Variants in IL31RA observed in about 807,000 individuals in gnomAD.
The protein encoded by IL31RA is interleukin-31 receptor subunit alpha.
Under a neutral mutation model 83.7 loss-of-function variants are expected in IL31RA, and 66 were observed. The ratio of observed to expected loss-of-function variants is 0.79; its 90% CI spans 0.65 to 0.97. The LOEUF is 0.97. IL31RA is among the 50% of genes least tolerant of loss of function. IL31RA has a pLI of 0.00. For synonymous variants in IL31RA, 325 were observed against 329.0 expected, an observed-to-expected ratio of 0.99 and a Z score of 0.13; for missense variants, 798 against 919.4, an observed-to-expected ratio of 0.87 and a Z score of 1.71.
At chr5:55,915,259 G>A (rs1163931101) in intron 14 of IL31RA, among the ~76,000 whole-genome samples, 1 of 152,156 alleles carries the variant, frequency 6.6e-6, no homozygotes, top group East Asian at 1.9e-4. Flanking sequence ...AGAGAGAGGA[G>A]CCTTGGCTAT....
At chr5:55,876,156 C>A (rs1472520055) in intron 4 of IL31RA, among the ~76,000 whole-genome samples, 5 of 152,032 alleles carry the variant, frequency 3.3e-5, no homozygotes, top group African/African-American at 9.7e-5. Flanking sequence ...GCCTGTAATC[C>A]CAGCACTTTG....
chr5:55,913,078 GT>G (rs869249319), intron 12 of IL31RA, among the ~76,000 whole-genome samples: 2 of 120,216 alleles, frequency 1.7e-5, no homozygotes, highest in African/African-American at 6.6e-5. Context: ...ACAAAATTCT[GT>G]TTTTTGTTTT....
At chr5:55,840,171 A>C in the IL31RA span, 1 of 263,986 alleles carries the variant, frequency 3.8e-6, no homozygotes, top group African/African-American at 2.2e-5. Flanking sequence ...TGTGTGGTGG[A>C]AATACTACAT....
At position 55,921,263 on chromosome 5, in the gene IL31RA, C is replaced by T. The variant is rs570209124; in HGVS notation, c.*4143C>T. Among the ~76,000 whole-genome samples, 1 of 152,320 alleles carries T rather than the reference C, an allele frequency of 6.6e-6. No homozygotes were observed. Among genetic ancestry groups the T allele is most frequent in the Non-Finnish European group, 1.5e-5 (1 of 68,022 alleles). ...ATTAACTCCTAACATGATCTGTGTGCACCTGTACACATTTTTCAGCTAATT... is the reference window on the plus strand; with the variant it reads ...ATTAACTCCTAACATGATCTGTGTGTACCTGTACACATTTTTCAGCTAATT... On this transcript the variant is annotated 3_prime_UTR_variant, in exon 15 of 15. Transcript: ENST00000652347.
Position 55,922,057 on chromosome 5 carries a change from G to GT in IL31RA, c.*4937_*4938insT, listed in dbSNP as rs1253575549. Among the ~76,000 whole-genome samples, 3 of 54,864 alleles carry GT rather than the reference G, an allele frequency of 5.5e-5. No individual in the cohort carries two copies. In the East Asian group the frequency reaches 1.3e-3, roughly 24 times the overall value. 36.0% of individuals were successfully genotyped at this position (54,864 alleles called of 152,430 possible). On this transcript the variant is annotated 3_prime_UTR_variant, in exon 15 of 15. Coordinates refer to ENST00000652347, the MANE Select transcript of IL31RA (RefSeq NM_139017.7). ...GTCTTGCACTCTTATGTTGTGGCGG[G>GT]GGGGGGGGGCGGTTCCTGAAGAGTG...
intron 13 of IL31RA, among the ~76,000 whole-genome samples, 184 bp from the exon 14 acceptor site, chr5:55,914,663 A>G (rs1220999391): frequency 2.0e-5 from 3 of 152,096 alleles, no homozygotes; most frequent in African/African-American, 7.2e-5. Flanking sequence ...AGAACTTGCA[A>G]TGTCACCCCC....
Position 55,889,985 on chromosome 5 carries a change from G to A in IL31RA, c.622G>A (p.Ala208Thr), listed in dbSNP as rs781738219. The change falls in exon 6 of 15, where the codon GCT becomes ACT. Residue 208 changes from alanine (A) to threonine (T), a missense_variant. Coordinates refer to ENST00000652347, the MANE Select transcript of IL31RA (RefSeq NM_139017.7). ...NSTSWMEVNFAKNRKDKNQTY... is the reference protein window; with the variant it reads ...NSTSWMEVNFTKNRKDKNQTY... ...TGTCTTGTAGATGGAAGTCAACTTCGCTAAGAACCGTAAGGATAAAAACCA... is the reference window on the plus strand; with the variant it reads ...TGTCTTGTAGATGGAAGTCAACTTCACTAAGAACCGTAAGGATAAAAACCA... 15 of 1,613,924 alleles carry A rather than the reference G, an allele frequency of 9.3e-6. No homozygotes were observed. The highest frequency in any genetic ancestry group is 1.6e-4 in the Middle Eastern group (1 of 6,084).
chr5:55,853,957 T>A (rs1202009057), intron 1 of IL31RA, among the ~76,000 whole-genome samples: 1 of 151,950 alleles, frequency 6.6e-6, no homozygotes, highest in Non-Finnish European at 1.5e-5. Flanking sequence ...GTGGAAAGAG[T>A]CCAGGTTTGG....
the IL31RA span, among the ~76,000 whole-genome samples, chr5:55,842,970 C>G: frequency 6.6e-6 from 1 of 152,190 alleles, no homozygotes; most frequent in Non-Finnish European, 1.5e-5. Context: ...CTGCCACAAC[C>G]TATGTTAGCC....
In IL31RA at chr5:55,922,271, GGCTGGGGAGAA is replaced by G. The variant is rs1477226067; in HGVS notation, c.*5154_*5164del. 7.8e-6 allele frequency: 6 copies of G among 768,968 alleles called. No homozygotes were observed. The highest frequency in any genetic ancestry group is 1.4e-5 in the Non-Finnish European group (6 of 435,558). The allele number at this position is 768,968 out of a possible 1,614,324, so 47.6% of individuals were successfully genotyped here. A position where few individuals can be genotyped will look rare whatever the true frequency, so the allele number is the denominator to read the frequency against. ...ACGCTTGTCGTGTGCTGATGAAAAG[GGCTGGGGAGAA>G]GCAAGGGGCAGGGGAGGGGCAGAAC... On this transcript the variant is annotated 3_prime_UTR_variant, in exon 15 of 15. Coordinates refer to ENST00000652347, the MANE Select transcript of IL31RA (RefSeq NM_139017.7).
chr5:55,910,504 G>A (rs1358142541), intron 11 of IL31RA, 28 bp from the exon 12 acceptor site: 1 of 1,613,842 alleles, frequency 6.2e-7, no homozygotes, highest in African/African-American at 1.3e-5. Context: ...TTTGGCTGTG[G>A]TGTTTGACCT....
chr5:55,902,490 A>T (rs1369130335), intron 8 of IL31RA: 1 of 149,894 alleles, frequency 6.7e-6, no homozygotes, highest in African/African-American at 2.4e-5. Context: ...TACAAAAATT[A>T]GCCAGGCCTG....
rs139358617 is a variant in IL31RA at position 55,916,578 on chromosome 5, G to T, written c.1819-66G>T. 115 of 1,363,896 alleles carry T rather than the reference G, an allele frequency of 8.4e-5. No homozygotes were observed. In the African/African-American group the frequency reaches 1.4e-3, roughly 17 times the overall value. 84.5% of individuals were successfully genotyped at this position (1,363,896 alleles called of 1,614,324 possible). A position where few individuals can be genotyped will look rare whatever the true frequency, so the allele number is the denominator to read the frequency against. On this transcript the variant is annotated intron_variant, in intron 14 of 14. Coordinates refer to ENST00000652347, the MANE Select transcript of IL31RA (RefSeq NM_139017.7). ...GGGCATTTGCTGTCCCAAGCCTAAC[G>T]AGTTTTTGGCTATGTCATATGTGAC...
chr5:55,861,200 A>C (rs1041031450), intron 2 of IL31RA, among the ~76,000 whole-genome samples: 1 of 152,164 alleles, frequency 6.6e-6, no homozygotes, highest in Non-Finnish European at 1.5e-5. Flanking sequence ...ACCCAGAGAT[A>C]ATGAGAATGC....
At chr5:55,905,875 C>T (rs1196739810) in intron 8 of IL31RA, among the ~76,000 whole-genome samples, 1 of 151,838 alleles carries the variant, frequency 6.6e-6, no homozygotes, top group African/African-American at 2.4e-5. Flanking sequence ...GGAAACAGGT[C>T]AATTTGGGGT....
At chr5:55,861,714 G>A (rs564281643) in intron 2 of IL31RA, among the ~76,000 whole-genome samples, 1 of 151,554 alleles carries the variant, frequency 6.6e-6, no homozygotes, top group Non-Finnish European at 1.5e-5. Flanking sequence ...AGACACTGTG[G>A]CTCCTATCAA....
Position 55,919,030 on chromosome 5 carries a change from C to T in IL31RA, c.*1910C>T, listed in dbSNP as rs1388728798. On this transcript the variant is annotated 3_prime_UTR_variant, in exon 15 of 15. Transcript: ENST00000652347. Reference sequence around the variant, plus strand: ...CTGCTCTCCCTGCTCTCCCTGTTCTCCACCCCTTCTATGGTGTGGGCTCTT... The same window carrying T: ...CTGCTCTCCCTGCTCTCCCTGTTCTTCACCCCTTCTATGGTGTGGGCTCTT... Among the ~76,000 whole-genome samples, 3 of 152,174 alleles carry T rather than the reference C, an allele frequency of 2.0e-5. No homozygotes were observed. Among genetic ancestry groups the T allele is most frequent in the African/African-American group, 4.8e-5 (2 of 41,430 alleles).
intron 7 of IL31RA, among the ~76,000 whole-genome samples, chr5:55,896,943 A>AGTAGCTG (rs1482759670): frequency 2.0e-4 from 16 of 78,412 alleles, no homozygotes; most frequent in Admixed American, 1.3e-3. Context: ...CACCTTCCCA[A>AGTAGCTG]GTAGCTGGGA....
Position 55,883,133 on chromosome 5 carries a change from G to A in IL31RA, c.544G>A (p.Ala182Thr). ...IQIEWIKPEL[A>T]PVSSDLKYTL... ...AATTGAATGGATAAAGCCTGAGTTG[G>A]CGCCTGTTTCATCTGATTTAAAATA... The change falls in exon 5 of 15, where the codon GCG (alanine) becomes ACG (threonine). Residue 182 changes from alanine to threonine, a missense_variant. By Grantham distance (58) the Ala-to-Thr change is moderately conservative (BLOSUM62 0). Transcript: ENST00000652347. The A allele has an allele frequency of 6.2e-7, 1 of 1,614,052 alleles. No individual in the cohort carries two copies. Among genetic ancestry groups the A allele is most frequent in the Non-Finnish European group, 8.5e-7 (1 of 1,179,952 alleles).
Sources: gnomAD v4.1 joint callset for allele counts (sites outside exome capture counted in the v4.1 genomes callset) on GRCh38, gnomAD v4.1.1 for gene constraint, MANE v1.5 for transcripts, NCBI Gene and HGNC (gene_info 2026-07-23, HGNC 2026-07-21) for gene names.